The following SEPTIN9 variants were observed in gnomAD, a reference collection of about 807,000 sequenced individuals.
SEPTIN9 encodes septin-9.
In SEPTIN9, 13 loss-of-function variants were observed where a neutral mutation model predicts 56.6. That is an observed-to-expected ratio of 0.23 (90% CI 0.15 to 0.37). The LOEUF (loss-of-function observed/expected upper bound fraction) is 0.37, where lower values mean the gene tolerates loss of function less well. Ranked by LOEUF, SEPTIN9 falls within the 10% of genes least tolerant of loss-of-function variation. The pLI, the probability that SEPTIN9 is intolerant of heterozygous loss-of-function variation, is 1.00. For synonymous variants in SEPTIN9, 332 were observed against 334.1 expected (o/e 0.99, Z 0.07); for missense variants, 650 against 823.1 (o/e 0.79, Z 2.57).
intron 1 of SEPTIN9, among the ~76,000 whole-genome samples, chr17:77,304,125 G>GA (rs1415444013): frequency 1.3e-5 from 2 of 152,208 alleles, no homozygotes; most frequent in Non-Finnish European, 2.9e-5. Flanking sequence ...ACACAGGCCT[G>GA]AATAATTAGG....
chr17:77,396,099 T>C (rs984031374), intron 2 of SEPTIN9, among the ~76,000 whole-genome samples: 2 of 152,070 alleles, frequency 1.3e-5, no homozygotes, highest in South Asian at 4.2e-4. Flanking sequence ...AATTCACAGA[T>C]GAAGGAGATG....
At chr17:77,495,047 G>C (rs1218578300) in intron 10 of SEPTIN9, among the ~76,000 whole-genome samples, 1 of 152,228 alleles carries the variant, frequency 6.6e-6, no homozygotes, top group East Asian at 1.9e-4. Context: ...ATGAAAGGCA[G>C]GTTTGGGAGA....
At chr17:77,466,454 G>C (rs1282932153) in intron 3 of SEPTIN9, 5 of 985,396 alleles carry the variant, frequency 5.1e-6, no homozygotes, top group Non-Finnish European at 6.0e-6. Flanking sequence ...TCCAGGTTCC[G>C]GCTGCTGCCT....
Position 77,487,148 on chromosome 17 carries a change from C to G in SEPTIN9, c.914-276C>G, listed in dbSNP as rs563404828. 6.6e-6 allele frequency among the ~76,000 whole-genome samples: 1 copy of G among 152,220 alleles called. No individual in the cohort carries two copies. The highest frequency in any genetic ancestry group is 2.4e-5 in the African/African-American group (1 of 41,444). The stretch of plus-strand genomic sequence containing the variant: ...AAAGCACAAGGGGCACAAGAGATGC[C>G]GACTCTCCCAGGCCCGGCTCACCTC... On this transcript the variant is annotated intron_variant, in intron 4 of 11. Coordinates refer to ENST00000427177, the MANE Select transcript of SEPTIN9 (RefSeq NM_001113491.2). This position sits in a 1 kb window ranked among gnomAD's most constrained non-coding sequence, Gnocchi z 4.3.
rs139208809 is a variant in SEPTIN9 at position 77,445,525 on chromosome 17, C to CGT, written c.722-36605_722-36604dup. 4.0e-3 allele frequency: 1,582 copies of CGT among 397,804 alleles called. 4 individuals are homozygous for CGT. Among genetic ancestry groups the CGT allele is most frequent in the African/African-American group, 0.013 (611 of 48,200 alleles). The allele number at this position is 397,804 out of a possible 1,614,324, so 24.6% of individuals were successfully genotyped here. On this transcript the variant is annotated intron_variant, in intron 3 of 11. Coordinates refer to ENST00000427177, the MANE Select transcript of SEPTIN9 (RefSeq NM_001113491.2). This position sits in a 1 kb window ranked among gnomAD's most constrained non-coding sequence, Gnocchi z 4.7. Reference sequence around the variant, plus strand: ...GGGGGTTGGTGCATGTGTGCACGCACGTGTGTGTGTGTGTGCGTGCGTGCT... The same window carrying CGT: ...GGGGGTTGGTGCATGTGTGCACGCACGTGTGTGTGTGTGTGTGCGTGCGTGCT...
rs545029698 is a variant in SEPTIN9, at chr17:77,329,603, C to T, written c.76+22406C>T. Among the ~76,000 whole-genome samples the T allele has an allele frequency of 2.6e-5, 4 of 152,160 alleles. No individual in the cohort carries two copies. Among genetic ancestry groups the T allele is most frequent in the East Asian group, 1.9e-4 (1 of 5,170 alleles). On this transcript the variant is annotated intron_variant, in intron 2 of 11. Transcript: ENST00000427177. The surrounding 1 kb of genome is among the most constrained non-coding windows in gnomAD (Gnocchi z 4.3). ...GCTCATCCCTCGTTCCTTCCTGTTT[C>T]GTGGGATGCTGAGTCTCTGGGCAGG...
At chr17:77,431,554 C>T (rs1307364034) in intron 3 of SEPTIN9, among the ~76,000 whole-genome samples, 1 of 152,146 alleles carries the variant, frequency 6.6e-6, no homozygotes, top group Non-Finnish European at 1.5e-5. Flanking sequence ...AGAACCACCT[C>T]AGCCAGGCAC....
Position 77,329,669 on chromosome 17 carries a change from G to A in SEPTIN9, c.76+22472G>A, listed in dbSNP as rs1567996832. Among the ~76,000 whole-genome samples, 1 of 152,108 alleles carries A rather than the reference G, an allele frequency of 6.6e-6. No individual in the cohort carries two copies. ...GGTGTGATGCACTTAACACCTGCTG[G>A]TGCCCCCATCCCCAAGCAGGAACCC... On this transcript the variant is annotated intron_variant, in intron 2 of 11. Transcript: ENST00000427177. This position sits in a 1 kb window ranked among gnomAD's most constrained non-coding sequence, Gnocchi z 4.3.
intron 2 of SEPTIN9, among the ~76,000 whole-genome samples, chr17:77,314,599 A>G (rs1228275093): frequency 6.6e-6 from 1 of 152,096 alleles, no homozygotes; most frequent in East Asian, 1.9e-4. Flanking sequence ...ATGGCAGCAA[A>G]TCCGAGCCCA....
Position 77,310,698 on chromosome 17 carries a change from T to C in SEPTIN9, c.76+3501T>C, listed in dbSNP as rs2032456907. Among the ~76,000 whole-genome samples the C allele has an allele frequency of 6.6e-6, 1 of 152,188 alleles. No individual in the cohort carries two copies. The highest frequency in any genetic ancestry group is 1.5e-5 in the Non-Finnish European group (1 of 68,032). ...TAGGCTCTCCCATGTTCGCTCATTT[T>C]CTGTGCCTCAGGCAGCCGCCTCTCT... On this transcript the variant is annotated intron_variant, in intron 2 of 11. Coordinates refer to ENST00000427177, the MANE Select transcript of SEPTIN9 (RefSeq NM_001113491.2). The surrounding 1 kb of genome is among the most constrained non-coding windows in gnomAD (Gnocchi z 4.7).
At chr17:77,479,860 G>A (rs961998485) in intron 3 of SEPTIN9, among the ~76,000 whole-genome samples, 4 of 152,280 alleles carry the variant, frequency 2.6e-5, no homozygotes, top group African/African-American at 7.2e-5. Flanking sequence ...AGCGATTTTC[G>A]GTCACGTGGG....
At chr17:77,351,192 G>A (rs1393945960) in intron 2 of SEPTIN9, among the ~76,000 whole-genome samples, 1 of 151,442 alleles carries the variant, frequency 6.6e-6, no homozygotes, top group Admixed American at 6.6e-5. Context: ...GGCTGCACAT[G>A]GAGGGACTTG....
intron 2 of SEPTIN9, among the ~76,000 whole-genome samples, chr17:77,321,258 A>G (rs375365667): frequency 6.6e-6 from 1 of 151,652 alleles, no homozygotes; most frequent in Non-Finnish European, 1.5e-5. Flanking sequence ...GTCAACCCCT[A>G]CGTGCCTTGG....
rs549470450 is a variant in SEPTIN9 at position 77,317,364 on chromosome 17, C to T, written c.76+10167C>T. Reference sequence around the variant, plus strand: ...CAGCAGGAGGTGAGTGACTGGCAAGCGAGCGAAGCTTCATCTGTATTTACA... The same window carrying T: ...CAGCAGGAGGTGAGTGACTGGCAAGTGAGCGAAGCTTCATCTGTATTTACA... On this transcript the variant is annotated intron_variant, in intron 2 of 11. Transcript: ENST00000427177. This position sits in a 1 kb window ranked among gnomAD's most constrained non-coding sequence, Gnocchi z 4.2. Among the ~76,000 whole-genome samples, 3 of 152,358 alleles carry T rather than the reference C, an allele frequency of 2.0e-5. No homozygotes were observed. Among genetic ancestry groups the T allele is most frequent in the East Asian group, 1.9e-4 (1 of 5,190 alleles).
At chr17:77,398,962 C>G (rs1331990922) in intron 2 of SEPTIN9, among the ~76,000 whole-genome samples, 1 of 152,136 alleles carries the variant, frequency 6.6e-6, no homozygotes, top group Non-Finnish European at 1.5e-5. Context: ...TGAAAAGACA[C>G]CAAGCATTGA....
intron 2 of SEPTIN9, among the ~76,000 whole-genome samples, chr17:77,334,001 A>G (rs1380128197): frequency 6.6e-6 from 1 of 152,082 alleles, no homozygotes; most frequent in Non-Finnish European, 1.5e-5. Context: ...GAAAGAATGA[A>G]CACCTTGTTC....
intron 2 of SEPTIN9, among the ~76,000 whole-genome samples, chr17:77,354,411 T>C (rs1359452973): frequency 6.6e-6 from 1 of 152,102 alleles, no homozygotes; most frequent in Non-Finnish European, 1.5e-5. Flanking sequence ...ACTTTGGTTG[T>C]GTTTTGCTGT....
At position 77,320,339 on chromosome 17, in the gene SEPTIN9, C is replaced by G. The variant is rs370646966; in HGVS notation, c.76+13142C>G. 8 of 1,613,052 alleles carry G rather than the reference C, an allele frequency of 5.0e-6. No individual in the cohort carries two copies. The highest frequency in any genetic ancestry group is 5.9e-6 in the Non-Finnish European group (7 of 1,179,792). ...TATATCCGTAGGAATGGAGAGGGAC[C>G]GGATCTCAGGTACGCAGACAGCCCC... On this transcript the variant is annotated intron_variant, in intron 2 of 11. Coordinates refer to ENST00000427177, the MANE Select transcript of SEPTIN9 (RefSeq NM_001113491.2).
rs1357501993 is a variant in SEPTIN9 at position 77,323,556 on chromosome 17, ACGTCTGTC to A, written c.76+16361_76+16368del. 1 of 152,360 alleles carries A rather than the reference ACGTCTGTC, an allele frequency of 6.6e-6. No individual in the cohort carries two copies. The highest frequency in any genetic ancestry group is 1.5e-5 in the Non-Finnish European group (1 of 68,196). 9.4% of individuals were successfully genotyped at this position (152,360 alleles called of 1,614,324 possible). A position where few individuals can be genotyped will look rare whatever the true frequency, so the allele number is the denominator to read the frequency against. ...GGGGGCTTGGCCACGCTGTCGCTGG[ACGTCTGTC>A]CCCACCAGGGTCCATCTGATGCAGT... On this transcript the variant is annotated intron_variant, in intron 2 of 11. Coordinates refer to ENST00000427177, the MANE Select transcript of SEPTIN9 (RefSeq NM_001113491.2). The surrounding 1 kb of genome is among the most constrained non-coding windows in gnomAD (Gnocchi z 6.8).
Sources: gnomAD v4.1 joint callset for allele counts (sites outside exome capture counted in the v4.1 genomes callset) on GRCh38, gnomAD v4.1.1 for gene constraint, Gnocchi (gnomAD v3.1) non-coding constraint, MANE v1.5 for transcripts, NCBI Gene and HGNC (gene_info 2026-07-23, HGNC 2026-07-21) for gene names.